PKD2: variants seen among roughly 807,000 people sequenced by gnomAD.
The protein encoded by PKD2 is polycystin-2.
In PKD2, 48 loss-of-function variants were observed where a neutral mutation model predicts 105.9. The observed-to-expected ratio is 0.45, with a 90% CI of 0.36 to 0.58. The LOEUF (loss-of-function observed/expected upper bound fraction) is 0.58, where lower values mean the gene tolerates loss of function less well. PKD2 is among the 20% of genes least tolerant of loss of function. The pLI is 0.00. For missense variants in PKD2, 1,078 were observed against 1,255.3 expected (o/e 0.86, Z 2.13); for synonymous variants, 464 against 481.1 (o/e 0.96, Z 0.46).
intron 2 of PKD2, among the ~76,000 whole-genome samples, chr4:88,021,291 T>C (rs1380765021): frequency 6.6e-6 from 1 of 152,216 alleles, no homozygotes; most frequent in Non-Finnish European, 1.5e-5. Context: ...GCCTCCATAA[T>C]GTAGCCTAGA....
chr4:88,025,178 G>T (rs578259199), intron 2 of PKD2, among the ~76,000 whole-genome samples: 1 of 149,832 alleles, frequency 6.7e-6, no homozygotes, highest in African/African-American at 2.5e-5. Flanking sequence ...GAATCCATGG[G>T]CAGGCACAGT....
intron 4 of PKD2, among the ~76,000 whole-genome samples, chr4:88,042,769 G>C (rs1397263920): frequency 2.0e-5 from 3 of 152,202 alleles, no homozygotes; most frequent in African/African-American, 7.2e-5. Context: ...AGAAGCATCT[G>C]TTTTCTAAGA....
chr4:88,041,045 C>A (rs1283988440), intron 4 of PKD2, among the ~76,000 whole-genome samples: 1 of 152,192 alleles, frequency 6.6e-6, no homozygotes, highest in Non-Finnish European at 1.5e-5. Context: ...TCTAGTGATA[C>A]AAGACACATC....
At chr4:88,069,579 T>C (rs138962369) in intron 13 of PKD2, among the ~76,000 whole-genome samples, 1 of 152,198 alleles carries the variant, frequency 6.6e-6, no homozygotes, top group African/African-American at 2.4e-5. Flanking sequence ...TTTTGTGCTA[T>C]ATATTCATCT....
At chr4:88,072,891 A>G (rs1384283342) in intron 13 of PKD2, among the ~76,000 whole-genome samples, 3 of 151,864 alleles carry the variant, frequency 2.0e-5, no homozygotes, top group Non-Finnish European at 4.4e-5. Flanking sequence ...TAGAAAAATT[A>G]ACTGGTGGGT....
intron 1 of PKD2, among the ~76,000 whole-genome samples, chr4:88,017,290 A>G (rs894762489): frequency 1.3e-5 from 2 of 152,066 alleles, no homozygotes; most frequent in Non-Finnish European, 2.9e-5. Context: ...AAATAAATTC[A>G]TACATACATA....
At chr4:88,012,893 A>T (rs1227933324) in intron 1 of PKD2, among the ~76,000 whole-genome samples, 3 of 152,142 alleles carry the variant, frequency 2.0e-5, no homozygotes, top group Non-Finnish European at 2.9e-5. Context: ...CATGCGTGCA[A>T]ATTCCCTTCT....
Position 88,077,520 on chromosome 4 carries a change from A to G in PKD2, c.*1826A>G, listed in dbSNP as rs189817187. 2.6e-5 allele frequency: 4 copies of G among 152,616 alleles called. No homozygotes were observed. The highest frequency in any genetic ancestry group is 1.5e-5 in the Non-Finnish European group (1 of 68,038). 9.5% of individuals were successfully genotyped at this position (152,616 alleles called of 1,614,324 possible). Reference sequence around the variant, plus strand: ...ATTATGGTCACTAGAAAGTCTCTTTATGATACTTTTTATTGTACTGTTTTT... The same window carrying G: ...ATTATGGTCACTAGAAAGTCTCTTTGTGATACTTTTTATTGTACTGTTTTT... On this transcript the variant is annotated 3_prime_UTR_variant, in exon 15 of 15. Transcript: ENST00000237596.
intron 2 of PKD2, among the ~76,000 whole-genome samples, chr4:88,022,887 C>T (rs1726802774): frequency 6.6e-6 from 1 of 152,038 alleles, no homozygotes; most frequent in African/African-American, 2.4e-5. Context: ...TCAAACTTAG[C>T]CTGGACAACA....
rs529071216 is a variant in PKD2, at chr4:88,075,810, C to G, written c.*116C>G. 16 of 785,042 alleles carry G rather than the reference C, an allele frequency of 2.0e-5. No homozygotes were observed. The highest frequency in any genetic ancestry group is 3.4e-4 in the Middle Eastern group (1 of 2,944). 48.6% of individuals were successfully genotyped at this position (785,042 alleles called of 1,614,324 possible). ...ACCATAGGATGCTAGTCTTTGTGAC[C>G]GATTGCTAATCTTCTGCACTTTAAT... On this transcript the variant is annotated 3_prime_UTR_variant, in exon 15 of 15. Coordinates refer to ENST00000237596, the MANE Select transcript of PKD2 (RefSeq NM_000297.4).
rs544616941 is a variant in PKD2, at chr4:88,061,816, TAAAC to T, written c.2020-86_2020-83del. 1.4e-3 allele frequency: 1,048 copies of T among 728,196 alleles called. 3 individuals carry two copies. Among genetic ancestry groups the T allele is most frequent in the Non-Finnish European group, 2.2e-3 (884 of 393,374 alleles). The allele number at this position is 728,196 out of a possible 1,614,324, so 45.1% of individuals were successfully genotyped here. A position where few individuals can be genotyped will look rare whatever the true frequency, so the allele number is the denominator to read the frequency against. ...AGCACTCAGATTAGGAAAAAAAGGATAAACAAAAAGGCATGTGTCATTTTTTTGA... is the reference window on the plus strand; with the variant it reads ...AGCACTCAGATTAGGAAAAAAAGGATAAAAAGGCATGTGTCATTTTTTTGA... On this transcript the variant is annotated intron_variant, in intron 9 of 14. Transcript: ENST00000237596.
At chr4:88,043,096 C>A in intron 4 of PKD2, 137 bp from the exon 5 acceptor site, 1 of 672,076 alleles carries the variant, frequency 1.5e-6, no homozygotes, top group Non-Finnish European at 2.7e-6. Context: ...AAAACATGAA[C>A]TGCCAGGTCA....
intron 3 of PKD2, among the ~76,000 whole-genome samples, chr4:88,036,915 A>G (rs1353277313): frequency 6.6e-6 from 1 of 152,194 alleles, no homozygotes; most frequent in East Asian, 1.9e-4. Context: ...GCTTGATTCA[A>G]AGTAAGCACA....
chr4:88,056,798 A>T (rs549183438), intron 8 of PKD2, among the ~76,000 whole-genome samples: 1 of 152,224 alleles, frequency 6.6e-6, no homozygotes, highest in Non-Finnish European at 1.5e-5. Context: ...TTAGTTTAAA[A>T]AGGAATGGAA....
At chr4:88,016,772 G>A (rs1417500131) in intron 1 of PKD2, among the ~76,000 whole-genome samples, 1 of 152,038 alleles carries the variant, frequency 6.6e-6, no homozygotes, top group African/African-American at 2.4e-5. Flanking sequence ...GCCAGCCTAG[G>A]CAATGTAGTG....
chr4:88,055,754 T>C (rs1454984537), intron 7 of PKD2, among the ~76,000 whole-genome samples: 3 of 152,130 alleles, frequency 2.0e-5, no homozygotes, highest in Non-Finnish European at 4.4e-5. Context: ...ATCGCCATTA[T>C]GCTGCATTAT....
At position 88,053,993 on chromosome 4, in the gene PKD2, A is replaced by C. The variant is rs1309802915; in HGVS notation, c.1716+1835A>C. ...ATATCCACACATGTTTGGATAGCAC[A>C]GTCAGAGCCTGTGCTGGTGAAAGGA... is the stretch of plus-strand genomic sequence containing the variant. On this transcript the variant is annotated intron_variant, in intron 7 of 14. Coordinates refer to ENST00000237596, the MANE Select transcript of PKD2 (RefSeq NM_000297.4). Among the ~76,000 whole-genome samples the C allele has an allele frequency of 2.0e-5, 3 of 152,206 alleles. No individual in the cohort carries two copies. The East Asian group carries it at 5.8e-4, about 29-fold the overall frequency.
intron 6 of PKD2, among the ~76,000 whole-genome samples, chr4:88,047,245 T>A (rs1321593886): frequency 6.6e-6 from 1 of 152,096 alleles, no homozygotes; most frequent in Non-Finnish European, 1.5e-5. Context: ...CCTGCACATG[T>A]GTGAAGTTAC....
chr4:88,048,411 A>G (rs1727853662), intron 6 of PKD2, among the ~76,000 whole-genome samples: 1 of 152,226 alleles, frequency 6.6e-6, no homozygotes, highest in Non-Finnish European at 1.5e-5. Flanking sequence ...GAGTGAAAGA[A>G]CACTTAAAGC....
Sources: gnomAD v4.1 joint callset for allele counts (sites outside exome capture counted in the v4.1 genomes callset) on GRCh38, gnomAD v4.1.1 for gene constraint, MANE v1.5 for transcripts, NCBI Gene and HGNC (gene_info 2026-07-23, HGNC 2026-07-21) for gene names.